Variants in TTC28 observed in about 807,000 individuals in gnomAD.
TTC28 encodes tetratricopeptide repeat protein 28.
A neutral mutation model predicts 198.0 loss-of-function variants in TTC28; 61 were observed. That is an observed-to-expected ratio of 0.31 (90% CI 0.25 to 0.38). TTC28 has a LOEUF of 0.38. Among genes scored for constraint, TTC28 ranks in the 10% least tolerant of loss-of-function variants. The pLI, the probability that TTC28 is intolerant of heterozygous loss-of-function variation, is 1.00. For synonymous variants in TTC28, 1,171 were observed against 1,297.8 expected, an observed-to-expected ratio of 0.90 and a Z score of 2.10; for missense variants, 2,678 against 3,164.0, an observed-to-expected ratio of 0.85 and a Z score of 3.69.
chr22:28,552,845 T>G (rs1398387461), intron 2 of TTC28, among the ~76,000 whole-genome samples: 1 of 144,056 alleles, frequency 6.9e-6, no homozygotes, highest in Non-Finnish European at 1.5e-5. Context: ...GAGCCAAAGC[T>G]GGACTGTACT....
At chr22:28,032,191 A>C in intron 12 of TTC28, among the ~76,000 whole-genome samples, 1 of 61,892 alleles carries the variant, frequency 1.6e-5, no homozygotes, top group African/African-American at 8.3e-5. Flanking sequence ...TATATATAAA[A>C]TATATATATA....
intron 2 of TTC28, among the ~76,000 whole-genome samples, chr22:28,582,010 GA>G (rs1232093480): frequency 6.6e-6 from 1 of 150,790 alleles, no homozygotes; most frequent in Non-Finnish European, 1.5e-5. Context: ...TTCCTTTTTT[GA>G]AAAAAAGCAA....
chr22:28,566,551 C>A (rs1041025374), intron 2 of TTC28, among the ~76,000 whole-genome samples: 1 of 152,056 alleles, frequency 6.6e-6, no homozygotes, highest in African/African-American at 2.4e-5. Context: ...TTTGAATGCT[C>A]GAAGAGAAAT....
In TTC28 at chr22:27,998,917, T is replaced by TC; in HGVS notation, c.4741dup (p.Glu1581GlyfsTer11). The TC allele has an allele frequency of 6.4e-7, 1 of 1,550,752 alleles. No homozygotes were observed. The highest frequency in any genetic ancestry group is 8.7e-7 in the Non-Finnish European group (1 of 1,146,994). Reference sequence around the variant, plus strand: ...GGCATCGTCCTGCACCCGCAAGGACTCAGGGATCGTGTAGGGGTGGCCGAA... The same window carrying TC: ...GGCATCGTCCTGCACCCGCAAGGACTCCAGGGATCGTGTAGGGGTGGCCGAA... On this transcript the variant is annotated frameshift_variant, in exon 16 of 23. Transcript: ENST00000397906. LOFTEE classifies it high-confidence loss of function.
intron 3 of TTC28, among the ~76,000 whole-genome samples, chr22:28,300,316 T>C (rs1293463367): frequency 1.3e-5 from 2 of 152,216 alleles, no homozygotes; most frequent in African/African-American, 4.8e-5. Context: ...AAAGACACCA[T>C]GCTTTACTTG....
At chr22:28,188,661 T>C (rs896596677) in intron 5 of TTC28, among the ~76,000 whole-genome samples, 1 of 152,138 alleles carries the variant, frequency 6.6e-6, no homozygotes, top group Admixed American at 6.5e-5. Flanking sequence ...AAAGTCTGCA[T>C]CCTGAATGGT....
At chr22:28,449,992 T>C (rs2047756722) in intron 2 of TTC28, among the ~76,000 whole-genome samples, 1 of 152,194 alleles carries the variant, frequency 6.6e-6, no homozygotes, top group Admixed American at 6.5e-5. Context: ...AAAAAAATGT[T>C]GGATACTGAA....
At chr22:28,118,121 A>G (rs58823697) in intron 6 of TTC28, among the ~76,000 whole-genome samples, 10,903 of 152,256 alleles carry the variant, frequency 0.072, 455 homozygotes, top group South Asian at 0.094. Flanking sequence ...ATTATGGGCC[A>G]GGAGCGGTGG....
intron 2 of TTC28, among the ~76,000 whole-genome samples, chr22:28,420,744 T>C (rs765017324): frequency 4.0e-5 from 6 of 151,782 alleles, no homozygotes; most frequent in African/African-American, 4.8e-5. Context: ...GGATTACAGG[T>C]GTGCACTACC....
At position 28,629,780 on chromosome 22, in the gene TTC28, C is replaced by A; in HGVS notation, c.153G>T (p.Pro51=). 1.3e-6 allele frequency: 2 copies of A among 1,551,668 alleles called. No homozygotes were observed. Among genetic ancestry groups the A allele is most frequent in the Non-Finnish European group, 1.7e-6 (2 of 1,146,956 alleles). ...DTIGQRSPDG[P]VLSKAEFVEK... The stretch of plus-strand genomic sequence containing the variant: ...CAACAAATTCAGCTTTGCTCAGTAC[C>A]GGTCCATCAGGACTTCTCTGGCCAA... The change falls in exon 2 of 23, where the codon CCG becomes CCT. Residue 51 remains proline, a synonymous_variant. Coordinates refer to ENST00000397906, the MANE Select transcript of TTC28 (RefSeq NM_001145418.2).
At chr22:28,131,458 C>G (rs1943058306) in intron 6 of TTC28, among the ~76,000 whole-genome samples, 1 of 152,218 alleles carries the variant, frequency 6.6e-6, no homozygotes, top group Non-Finnish European at 1.5e-5. Context: ...CCGTAGCATG[C>G]TGGTTGTTTA....
At chr22:28,519,047 T>C (rs1319803044) in intron 2 of TTC28, among the ~76,000 whole-genome samples, 1 of 152,186 alleles carries the variant, frequency 6.6e-6, no homozygotes, top group Non-Finnish European at 1.5e-5. Context: ...AAGATAATTT[T>C]TACAACCTTG....
intron 2 of TTC28, among the ~76,000 whole-genome samples, chr22:28,489,420 A>T (rs1331070305): frequency 2.0e-5 from 3 of 152,130 alleles, no homozygotes; most frequent in South Asian, 4.1e-4. Context: ...TTCCTCAAAA[A>T]TCTCACCCTG....
At chr22:28,235,951 T>C (rs1396586420) in intron 5 of TTC28, among the ~76,000 whole-genome samples, 1 of 152,182 alleles carries the variant, frequency 6.6e-6, no homozygotes, top group Admixed American at 6.5e-5. Flanking sequence ...GGAAGTGAAA[T>C]AGCAGCTACT....
At chr22:28,584,016 GTTTT>G (rs67108156) in intron 2 of TTC28, among the ~76,000 whole-genome samples, 1 of 132,994 alleles carries the variant, frequency 7.5e-6, no homozygotes, top group African/African-American at 2.8e-5. Context: ...GTTTTGTTTT[GTTTT>G]TTTTTTTTTT....
chr22:28,347,570 C>T (rs1166327879), intron 2 of TTC28, among the ~76,000 whole-genome samples: 2 of 152,120 alleles, frequency 1.3e-5, no homozygotes, highest in African/African-American at 2.4e-5. Context: ...CTGAAAAGGG[C>T]GGTAGAAAGA....
intron 6 of TTC28, among the ~76,000 whole-genome samples, chr22:28,117,126 G>A (rs1942654799): frequency 6.6e-6 from 1 of 152,208 alleles, no homozygotes; most frequent in African/African-American, 2.4e-5. Flanking sequence ...AGACAGAAGC[G>A]TTGAAGAGCT....
At chr22:28,544,626 C>A (rs1277526344) in intron 2 of TTC28, among the ~76,000 whole-genome samples, 1 of 152,064 alleles carries the variant, frequency 6.6e-6, no homozygotes, top group Non-Finnish European at 1.5e-5. Context: ...GAGGTCAGCA[C>A]AAGACACGGA....
At chr22:28,639,031 A>G (rs1017338613) in intron 1 of TTC28, among the ~76,000 whole-genome samples, 3 of 152,238 alleles carry the variant, frequency 2.0e-5, no homozygotes, top group African/African-American at 7.2e-5. Flanking sequence ...ATAACCTTTC[A>G]ATTCTAGAAA....
Sources: gnomAD v4.1 joint callset for allele counts (sites outside exome capture counted in the v4.1 genomes callset) on GRCh38, gnomAD v4.1.1 for gene constraint, MANE v1.5 for transcripts, NCBI Gene and HGNC (gene_info 2026-07-23, HGNC 2026-07-21) for gene names.